ROBO2: variants seen among roughly 807,000 people sequenced by gnomAD.
ROBO2 encodes roundabout homolog 2.
In ROBO2, 53 loss-of-function variants were observed where a neutral mutation model predicts 160.8. That is an observed-to-expected ratio of 0.33 (90% confidence interval 0.26 to 0.41). The LOEUF (loss-of-function observed/expected upper bound fraction) is 0.41, where lower values mean the gene tolerates loss of function less well. Ranked by LOEUF, ROBO2 falls within the 10% of genes least tolerant of loss-of-function variation. The pLI is 1.00. For missense variants in ROBO2, 1,577 were observed against 1,722.4 expected (o/e 0.92, Z 1.49); for synonymous variants, 664 against 611.7 (o/e 1.09, Z -1.26).
intron 2 of ROBO2, among the ~76,000 whole-genome samples, chr3:76,444,082 C>A (rs956686598): frequency 1.3e-5 from 2 of 152,138 alleles, no homozygotes; most frequent in Non-Finnish European, 2.9e-5. Flanking sequence ...TCTCCTGCCT[C>A]AGCCTCCTGA....
chr3:77,556,352 A>C (rs2093120518), intron 8 of ROBO2, among the ~76,000 whole-genome samples: 1 of 151,920 alleles, frequency 6.6e-6, no homozygotes, highest in Non-Finnish European at 1.5e-5. Context: ...CAGTGAAATA[A>C]ATGATTCTAA....
intron 2 of ROBO2, among the ~76,000 whole-genome samples, chr3:76,264,955 T>C (rs1485922888): frequency 6.6e-6 from 1 of 152,204 alleles, no homozygotes; most frequent in Non-Finnish European, 1.5e-5. Context: ...GCAGTTTTTT[T>C]CCATAAACTT....
chr3:77,541,441 T>G (rs1582824893), intron 6 of ROBO2, among the ~76,000 whole-genome samples: 1 of 152,222 alleles, frequency 6.6e-6, no homozygotes, highest in Non-Finnish European at 1.5e-5. Flanking sequence ...TTGGGCTGAA[T>G]GCAGTATCAA....
intron 2 of ROBO2, among the ~76,000 whole-genome samples, chr3:76,240,940 T>G (rs2107514097): frequency 6.6e-6 from 1 of 152,314 alleles, no homozygotes; most frequent in South Asian, 2.1e-4. Context: ...TAGTTTAACA[T>G]GTAGTAATTA....
At chr3:77,292,196 T>G (rs547297158) in intron 2 of ROBO2, among the ~76,000 whole-genome samples, 1 of 150,860 alleles carries the variant, frequency 6.6e-6, no homozygotes, top group South Asian at 2.1e-4. Flanking sequence ...TAAAGTAAAA[T>G]TGATGGTTAA....
intron 2 of ROBO2, among the ~76,000 whole-genome samples, chr3:76,629,573 A>G (rs1053495394): frequency 1.3e-5 from 2 of 152,162 alleles, no homozygotes; most frequent in African/African-American, 4.8e-5. Flanking sequence ...TATTCTGGCC[A>G]TGCTGGCAGT....
chr3:76,211,690 A>T (rs986408), intron 2 of ROBO2, among the ~76,000 whole-genome samples: 92,872 of 151,904 alleles, frequency 0.61, 28,730 homozygotes, highest in African/African-American at 0.68. Context: ...GAGGTATTTT[A>T]AAAATGTATT....
intron 2 of ROBO2, among the ~76,000 whole-genome samples, chr3:76,543,470 A>G (rs183309603): frequency 0.036 from 5,405 of 152,172 alleles, 151 homozygotes; most frequent in Non-Finnish European, 0.046. Context: ...GAAACCTTAG[A>G]ATCATCTCTT....
At chr3:76,979,643 T>A (rs1003254753) in intron 2 of ROBO2, among the ~76,000 whole-genome samples, 19 of 151,768 alleles carry the variant, frequency 1.3e-4, no homozygotes, top group African/African-American at 4.6e-4. Flanking sequence ...ATGATTTTTT[T>A]TTCCTTTGGG....
intron 2 of ROBO2, among the ~76,000 whole-genome samples, chr3:76,576,799 A>G (rs936914978): frequency 1.3e-5 from 2 of 149,166 alleles, no homozygotes; most frequent in Non-Finnish European, 3.0e-5. Context: ...AAAAAAGAAA[A>G]GTAAAAAAGA....
chr3:76,328,567 A>T (rs1366568868), intron 2 of ROBO2, among the ~76,000 whole-genome samples: 1 of 152,090 alleles, frequency 6.6e-6, no homozygotes, highest in Non-Finnish European at 1.5e-5. Flanking sequence ...TCTACTAAAC[A>T]TACAAAAAAT....
At chr3:77,487,184 T>C (rs2153595321) in intron 4 of ROBO2, among the ~76,000 whole-genome samples, 1 of 152,260 alleles carries the variant, frequency 6.6e-6, no homozygotes, top group South Asian at 2.1e-4. Flanking sequence ...ATTTTATTAG[T>C]AGCATGTGGT....
intron 2 of ROBO2, among the ~76,000 whole-genome samples, chr3:77,100,694 G>A (rs1013168806): frequency 6.6e-6 from 1 of 152,090 alleles, no homozygotes; most frequent in Non-Finnish European, 1.5e-5. Flanking sequence ...TTCTCAAAGA[G>A]CTCACATTCT....
chr3:77,375,582 A>G (rs1244219971), intron 2 of ROBO2, among the ~76,000 whole-genome samples: 1 of 152,184 alleles, frequency 6.6e-6, no homozygotes, highest in East Asian at 1.9e-4. Context: ...TTAACCCTTT[A>G]GACTTTCTTT....
intron 2 of ROBO2, among the ~76,000 whole-genome samples, chr3:77,466,985 T>C (rs2082834010): frequency 6.6e-6 from 1 of 152,172 alleles, no homozygotes; most frequent in African/African-American, 2.4e-5. Flanking sequence ...TGACAAGAGA[T>C]GCTGCTGAAA....
chr3:77,043,539 T>C (rs531113308), intron 1 of ROBO2, among the ~76,000 whole-genome samples: 1 of 152,308 alleles, frequency 6.6e-6, no homozygotes, highest in East Asian at 1.9e-4. Flanking sequence ...AGTTGAGAAA[T>C]GTAGATAAAC....
At chr3:76,033,505 A>G (rs1279819304) in intron 2 of ROBO2, among the ~76,000 whole-genome samples, 1 of 152,136 alleles carries the variant, frequency 6.6e-6, no homozygotes, top group Non-Finnish European at 1.5e-5. Flanking sequence ...ATTGAGCCAG[A>G]TATTTTCTAC....
At chr3:76,972,948 T>C (rs1437494088) in intron 2 of ROBO2, among the ~76,000 whole-genome samples, 1 of 152,148 alleles carries the variant, frequency 6.6e-6, no homozygotes, top group African/African-American at 2.4e-5. Flanking sequence ...AACAAGTCCA[T>C]AGTTTTGTTT....
intron 1 of ROBO2, among the ~76,000 whole-genome samples, chr3:77,047,593 G>T (rs1185944971): frequency 6.6e-6 from 1 of 151,792 alleles, no homozygotes. Context: ...GGAGGCTGAG[G>T]CAGGAGAATC....
Sources: allele counts gnomAD v4.1 joint callset (sites outside exome capture counted in the v4.1 genomes callset), GRCh38; gene constraint gnomAD v4.1.1; transcripts MANE v1.5; gene names NCBI Gene and HGNC (gene_info 2026-07-23, HGNC 2026-07-21).